The following XYLB variants were observed in gnomAD, a reference collection of about 807,000 sequenced individuals.
The protein encoded by XYLB is xylulokinase.
XYLB carries 62 observed loss-of-function variants against 78.7 expected under a neutral mutation model. The observed-to-expected ratio is 0.79, with a 90% CI of 0.64 to 0.97. The LOEUF is 0.97. Among genes scored for constraint, XYLB ranks in the 50% least tolerant of loss-of-function variants. The pLI, the probability that XYLB is intolerant of heterozygous loss-of-function variation, is 0.00. For synonymous variants in XYLB, 245 were observed against 247.4 expected (o/e 0.99, Z 0.09); for missense variants, 687 against 676.8 (o/e 1.02, Z -0.17).
chr3:38,406,673 C>T (rs1324061005), intron 18 of XYLB, among the ~76,000 whole-genome samples: 1 of 152,140 alleles, frequency 6.6e-6, no homozygotes, highest in East Asian at 1.9e-4. Context: ...ATAACCAATA[C>T]AGAGAAGTGC....
At chr3:38,380,577 A>G (rs866186068) in intron 15 of XYLB, among the ~76,000 whole-genome samples, 4 of 152,326 alleles carry the variant, frequency 2.6e-5, no homozygotes, top group Middle Eastern at 3.4e-3. Context: ...TCAACTGAGT[A>G]AAAGGATACT....
chr3:38,437,769 C>T, the XYLB span, among the ~76,000 whole-genome samples: 3 of 151,862 alleles, frequency 2.0e-5, no homozygotes, highest in East Asian at 5.8e-4. Flanking sequence ...CATAGTGAGA[C>T]CCTGTATAAA....
At chr3:38,385,215 G>T (rs951509976) in intron 15 of XYLB, among the ~76,000 whole-genome samples, 1 of 152,034 alleles carries the variant, frequency 6.6e-6, no homozygotes, top group Non-Finnish European at 1.5e-5. Flanking sequence ...GCCTAGGCTG[G>T]TCTCAAACTC....
intron 2 of XYLB, among the ~76,000 whole-genome samples, chr3:38,352,395 C>T (rs796864725): frequency 5.9e-5 from 9 of 152,272 alleles, no homozygotes; most frequent in African/African-American, 2.2e-4. Context: ...CATGTAAACA[C>T]AGCCACGTTA....
At chr3:38,443,040 A>T in the XYLB span, among the ~76,000 whole-genome samples, 1 of 152,218 alleles carries the variant, frequency 6.6e-6, no homozygotes, top group Admixed American at 6.5e-5. Context: ...TTTCAGGCAT[A>T]ACAAGAAAGG....
chr3:38,436,562 C>G, the XYLB span, among the ~76,000 whole-genome samples: 1 of 152,150 alleles, frequency 6.6e-6, no homozygotes, highest in Non-Finnish European at 1.5e-5. Context: ...CTCCCTAACT[C>G]ATTCTATGAG....
At chr3:38,373,577 G>GT (rs1444103977) in intron 10 of XYLB, among the ~76,000 whole-genome samples, 1 of 152,148 alleles carries the variant, frequency 6.6e-6, no homozygotes, top group Non-Finnish European at 1.5e-5. Flanking sequence ...ATGGAGGGTG[G>GT]TGTTGCTTCA....
intron 9 of XYLB, 77 bp from the exon 10 acceptor site, chr3:38,372,578 C>T (rs933382176): frequency 4.3e-6 from 7 of 1,609,272 alleles, no homozygotes; most frequent in Middle Eastern, 3.3e-4. Flanking sequence ...GTTTTCGTGG[C>T]CTGAAGGGTG....
Position 38,413,081 on chromosome 3 carries a change from G to C in XYLB, c.*68G>C. 6.9e-7 allele frequency: 1 copy of C among 1,452,726 alleles called. No homozygotes were observed. Among genetic ancestry groups the C allele is most frequent in the East Asian group, 2.4e-5 (1 of 41,088 alleles). 90.0% of individuals were successfully genotyped at this position (1,452,726 alleles called of 1,614,324 possible). A position where few individuals can be genotyped will look rare whatever the true frequency, so the allele number is the denominator to read the frequency against. On this transcript the variant is annotated 3_prime_UTR_variant, in exon 19 of 19. Coordinates refer to ENST00000207870, the MANE Select transcript of XYLB (RefSeq NM_005108.4). Reference sequence around the variant, plus strand: ...CCATTTGTCGACATGGCCCCAGACAGGAGGGATCCACTTCTCTGTTCTGAA... The same window carrying C: ...CCATTTGTCGACATGGCCCCAGACACGAGGGATCCACTTCTCTGTTCTGAA...
At chr3:38,354,181 C>A (rs1458874672) in intron 2 of XYLB, among the ~76,000 whole-genome samples, 5 of 151,930 alleles carry the variant, frequency 3.3e-5, no homozygotes, top group Non-Finnish European at 5.9e-5. Flanking sequence ...TCAAGTGATT[C>A]TTCTGCCTCA....
intron 12 of XYLB, among the ~76,000 whole-genome samples, 160 bp downstream of exon 12, chr3:38,375,419 C>T (rs1261912433): frequency 2.0e-5 from 3 of 152,210 alleles, no homozygotes; most frequent in Non-Finnish European, 4.4e-5. Flanking sequence ...GACTCACCAG[C>T]TCTTGCTGAC....
At position 38,350,716 on chromosome 3, in the gene XYLB, G is replaced by T. The variant is rs927255413; in HGVS notation, c.140+2084G>T. 7.9e-5 allele frequency among the ~76,000 whole-genome samples: 12 copies of T among 152,042 alleles called. No individual in the cohort carries two copies. The East Asian group carries it at 1.4e-3, about 17-fold the overall frequency. ...TGCATTTAATGCTATAAATTTCTCT[G>T]TAAACACAAATGCTTTTTATGGGAT... On this transcript the variant is annotated intron_variant, in intron 2 of 18. Coordinates refer to ENST00000207870, the MANE Select transcript of XYLB (RefSeq NM_005108.4).
intron 18 of XYLB, among the ~76,000 whole-genome samples, chr3:38,409,085 A>G (rs12631092): frequency 0.066 from 10,015 of 152,314 alleles, 505 homozygotes; most frequent in East Asian, 0.19. Flanking sequence ...CAGAAACAAA[A>G]AAGAGAATTT....
chr3:38,372,529 A>G (rs979309995), intron 9 of XYLB, 126 bp from the exon 10 acceptor site: 3 of 1,531,404 alleles, frequency 2.0e-6, no homozygotes, highest in African/African-American at 2.7e-5. Context: ...CAGGCTCTGC[A>G]AAAGATTCCT....
At chr3:38,436,165 G>A in the XYLB span, among the ~76,000 whole-genome samples, 1 of 151,834 alleles carries the variant, frequency 6.6e-6, no homozygotes, top group Non-Finnish European at 1.5e-5. Flanking sequence ...TAAACAACAT[G>A]GATAAATCAC....
chr3:38,447,573 C>T, the XYLB span, among the ~76,000 whole-genome samples: 2 of 151,510 alleles, frequency 1.3e-5, no homozygotes, highest in African/African-American at 4.9e-5. Flanking sequence ...CCCTCCTCGG[C>T]CTCCCATAAT....
At chr3:38,434,479 T>A in the XYLB span, among the ~76,000 whole-genome samples, 1 of 152,216 alleles carries the variant, frequency 6.6e-6, no homozygotes, top group Non-Finnish European at 1.5e-5. Context: ...AAAGTTACCC[T>A]TCATAAATGA....
chr3:38,379,484 A>C (rs1302860989), intron 15 of XYLB, 142 bp downstream of exon 15: 5 of 756,536 alleles, frequency 6.6e-6, no homozygotes, highest in Non-Finnish European at 1.1e-5. Flanking sequence ...GCCTGACCTC[A>C]GGGATGGGGT....
rs138613744 is a variant in XYLB, at chr3:38,405,608, G to A, written c.1533+4623G>A. The stretch of plus-strand genomic sequence containing the variant: ...TTGCCTCACTCGAGAAGTGCAAGGG[G>A]TCAGGGAGTTCCCTTTCCTAGTCAA... On this transcript the variant is annotated intron_variant, in intron 18 of 18. Transcript: ENST00000207870. 2.2e-3 allele frequency among the ~76,000 whole-genome samples: 341 copies of A among 152,344 alleles called. 9 individuals are homozygous for A. The East Asian group carries it at 0.057, about 25-fold the overall frequency.
Sources: gnomAD v4.1 joint callset for allele counts (sites outside exome capture counted in the v4.1 genomes callset) on GRCh38, gnomAD v4.1.1 for gene constraint, MANE v1.5 for transcripts, NCBI Gene and HGNC (gene_info 2026-07-23, HGNC 2026-07-21) for gene names.